Variants in DNAAF11 observed in about 807,000 individuals in gnomAD.
DNAAF11 encodes leucine rich repeat containing 6.
Under a neutral mutation model 60.8 loss-of-function variants are expected in DNAAF11, and 45 were observed. The observed-to-expected ratio is 0.74, with a 90% CI of 0.58 to 0.95. The LOEUF (loss-of-function observed/expected upper bound fraction) is 0.95. Among genes scored for constraint, DNAAF11 ranks in the 40% least tolerant of loss-of-function variants. The pLI is 0.00. For synonymous variants in DNAAF11, 191 were observed against 183.5 expected, an observed-to-expected ratio of 1.04 and a Z score of -0.33; for missense variants, 546 against 546.2, an observed-to-expected ratio of 1.00 and a Z score of 0.00.
intron 4 of DNAAF11, among the ~76,000 whole-genome samples, chr8:132,635,683 G>A (rs1490887706): frequency 6.6e-6 from 1 of 152,056 alleles, no homozygotes; most frequent in Non-Finnish European, 1.5e-5. Flanking sequence ...TGGGAAATAG[G>A]GTTATTATAG....
chr8:132,650,141 G>A (rs897511893), intron 3 of DNAAF11, among the ~76,000 whole-genome samples: 2 of 152,178 alleles, frequency 1.3e-5, no homozygotes, highest in East Asian at 1.9e-4. Context: ...ATGATAGACT[G>A]GATTAAGAAA....
chr8:132,622,616 C>G lies in DNAAF11; in HGVS notation c.909G>C (p.Glu303Asp), dbSNP rs758596731. The G allele has an allele frequency of 9.3e-6, 15 of 1,613,206 alleles. No individual in the cohort carries two copies. The highest frequency in any genetic ancestry group is 1.3e-5 in the Non-Finnish European group (15 of 1,179,426). Residue 303 changes from glutamate (E) to aspartate (D), a missense_variant, in exon 7 of 12, where the codon GAG (glutamate) becomes GAC (aspartate). By Grantham distance (45) the Glu-to-Asp change is conservative. Coordinates refer to ENST00000620350, the MANE Select transcript of DNAAF11 (RefSeq NM_012472.6). ...CTCTATTTGGCCTCACATACTTGGG[C>G]TCATTCACATTTAGGGCTTTCCCAT... Reference protein sequence around the residue: ...TEDGKALNVNEPKIDFSLKDN... With the variant: ...TEDGKALNVNDPKIDFSLKDN...
intron 8 of DNAAF11, 115 bp downstream of exon 8, chr8:132,614,923 C>T: frequency 1.7e-6 from 1 of 580,390 alleles, no homozygotes; most frequent in East Asian, 2.8e-5. Flanking sequence ...AAATAAGCTT[C>T]ATTTAACTAT....
At chr8:132,618,508 G>A (rs1167014389) in intron 7 of DNAAF11, among the ~76,000 whole-genome samples, 162 of 104,490 alleles carry the variant, frequency 1.6e-3, no homozygotes, top group Middle Eastern at 0.012. Flanking sequence ...GAGTGAACAG[G>A]CAACCTACAA....
At chr8:132,626,039 T>C (rs1044390524) in intron 5 of DNAAF11, among the ~76,000 whole-genome samples, 2 of 151,462 alleles carry the variant, frequency 1.3e-5, no homozygotes, top group African/African-American at 2.4e-5. Flanking sequence ...GTGGGACCTA[T>C]GGCACCTTCT....
intron 10 of DNAAF11, among the ~76,000 whole-genome samples, chr8:132,599,390 T>C (rs11991450): frequency 0.071 from 10,722 of 152,010 alleles, 1,015 homozygotes; most frequent in African/African-American, 0.22. Flanking sequence ...TTCCAATCAA[T>C]AGAAAAAGAC....
chr8:132,677,120 CTGACACTGACACGT>C (rs1173754373), upstream of DNAAF11, among the ~76,000 whole-genome samples: 1 of 152,190 alleles, frequency 6.6e-6, no homozygotes, highest in East Asian at 1.9e-4. Context: ...CACTGACACG[CTGACACTGACACGT>C]GACACTGAGC....
intron 3 of DNAAF11, among the ~76,000 whole-genome samples, chr8:132,645,239 C>T (rs879383626): frequency 6.6e-6 from 1 of 152,176 alleles, no homozygotes; most frequent in Non-Finnish European, 1.5e-5. Flanking sequence ...AGTGGACCTC[C>T]AGCAAACTCC....
chr8:132,661,373 T>C (rs1347776796), intron 2 of DNAAF11, 87 bp downstream of exon 2: 2 of 1,112,038 alleles, frequency 1.8e-6, no homozygotes, highest in African/African-American at 1.6e-5. Flanking sequence ...TTTTCAGTGA[T>C]TGTCTTCTAA....
At chr8:132,674,133 GAGAAGGAGGAGGAAGAGGAGGAGGAGA>G (rs1825492081) in intron 1 of DNAAF11, among the ~76,000 whole-genome samples, 2 of 140,398 alleles carry the variant, frequency 1.4e-5, no homozygotes, top group African/African-American at 2.8e-5. Flanking sequence ...GGAGGAGGAG[GAGAAGGAGGAGGAAGAGGAGGAGGAGA>G]AGGAGAAGGA....
intron 8 of DNAAF11, among the ~76,000 whole-genome samples, chr8:132,611,639 A>C (rs1818681773): frequency 6.6e-6 from 1 of 152,170 alleles, no homozygotes; most frequent in Non-Finnish European, 1.5e-5. Flanking sequence ...GTTTGCAAAA[A>C]ACAGCTTGCC....
intron 10 of DNAAF11, among the ~76,000 whole-genome samples, chr8:132,604,912 T>C (rs1158223568): frequency 2.0e-5 from 3 of 152,078 alleles, no homozygotes; most frequent in Non-Finnish European, 4.4e-5. Flanking sequence ...TTATTGAATA[T>C]CCAATTTTGA....
chr8:132,698,988 G>T, the DNAAF11 span, among the ~76,000 whole-genome samples: 1 of 145,714 alleles, frequency 6.9e-6, no homozygotes, highest in Non-Finnish European at 1.5e-5. Context: ...AATTAGCCGG[G>T]CGCCATGGCA....
At chr8:132,664,899 A>T (rs1252408585) in intron 1 of DNAAF11, among the ~76,000 whole-genome samples, 2 of 152,220 alleles carry the variant, frequency 1.3e-5, no homozygotes, top group Non-Finnish European at 2.9e-5. Flanking sequence ...ATGAGAATTA[A>T]GATGAGAAAA....
chr8:132,637,098 GTTC>G (rs1821376246), intron 4 of DNAAF11, among the ~76,000 whole-genome samples: 1 of 152,054 alleles, frequency 6.6e-6, no homozygotes, highest in African/African-American at 2.4e-5. Context: ...TTTTTCCTCA[GTTC>G]TAAAATTACT....
chr8:132,671,366 T>C (rs778027594), intron 1 of DNAAF11, among the ~76,000 whole-genome samples: 18 of 152,180 alleles, frequency 1.2e-4, no homozygotes, highest in Non-Finnish European at 2.2e-4. Flanking sequence ...TTCAAAAATA[T>C]TGTAGACATT....
At chr8:132,583,138 A>G (rs1815507181) in intron 11 of DNAAF11, among the ~76,000 whole-genome samples, 1 of 152,138 alleles carries the variant, frequency 6.6e-6, no homozygotes, top group South Asian at 2.1e-4. Flanking sequence ...ATTTAAGCAA[A>G]AGCCAGAAAA....
chr8:132,687,706 A>G, the DNAAF11 span: 10 of 456,112 alleles, frequency 2.2e-5, no homozygotes, highest in African/African-American at 1.2e-4. Context: ...GACTTGCCCA[A>G]GGTAAGAGCT....
intron 10 of DNAAF11, among the ~76,000 whole-genome samples, chr8:132,591,596 C>T (rs186351843): frequency 3.0e-4 from 46 of 151,604 alleles, no homozygotes; most frequent in Non-Finnish European, 4.6e-4. Context: ...CTTTTTTAGT[C>T]TTTTGTGGTT....
Sources: gnomAD v4.1 joint callset for allele counts (sites outside exome capture counted in the v4.1 genomes callset) on GRCh38, gnomAD v4.1.1 for gene constraint, MANE v1.5 for transcripts, NCBI Gene and HGNC (gene_info 2026-07-23, HGNC 2026-07-21) for gene names.